Variants in OPA1 observed in about 807,000 individuals in gnomAD.
The protein encoded by OPA1 is dynamin-like GTPase OPA1, mitochondrial.
A neutral mutation model predicts 152.9 loss-of-function variants in OPA1; 59 were observed. That is an observed-to-expected ratio of 0.39 (90% CI 0.31 to 0.48). OPA1 has a LOEUF of 0.48. OPA1 is among the 20% of genes least tolerant of loss of function. The pLI is 0.96. For missense variants in OPA1, 1,008 were observed against 1,216.8 expected (o/e 0.83, Z 2.55); for synonymous variants, 400 against 389.9 (o/e 1.03, Z -0.31).
rs768608084 is a variant in OPA1, at chr3:193,643,968, T to C, written c.1478-7T>C. 2.5e-6 allele frequency: 4 copies of C among 1,613,450 alleles called. No homozygotes were observed. The Admixed American group carries it at 6.7e-5, about 27-fold the overall frequency. On this transcript the variant is annotated splice_region_variant and splice_polypyrimidine_tract_variant and intron_variant, in intron 15 of 30. Coordinates refer to ENST00000361510, the MANE Select transcript of OPA1 (RefSeq NM_130837.3). ...ATTCCACAGTGTCATTTTTTTATTT[T>C]TTTCAGATGGATCTGTGGATGCTGA...
Position 193,631,815 on chromosome 3 carries a change from T to C in OPA1, c.843+150T>C, listed in dbSNP as rs903603228. ...TATTATCGATAGATGCAAAAGCTAA[T>C]TGAGAAATAAGGAATAAAGACAGAA... On this transcript the variant is annotated intron_variant, in intron 8 of 30. Transcript: ENST00000361510. The C allele has an allele frequency of 4.3e-6, 3 of 689,684 alleles. No homozygotes were observed. In the African/African-American group the frequency reaches 5.4e-5, roughly 12 times the overall value. The allele number at this position is 689,684 out of a possible 1,614,324, so 42.7% of individuals were successfully genotyped here.
At chr3:193,608,899 C>T (rs1192866886) in intron 1 of OPA1, among the ~76,000 whole-genome samples, 1 of 152,066 alleles carries the variant, frequency 6.6e-6, no homozygotes, top group East Asian at 1.9e-4. Context: ...GTATTGGTTG[C>T]ATATATATTT....
At chr3:193,668,559 C>T (rs1042538226) in intron 29 of OPA1, 1 of 1,546,852 alleles carries the variant, frequency 6.5e-7, no homozygotes, top group East Asian at 2.5e-5. Flanking sequence ...CACCTGAAGC[C>T]AGACCATGCC....
chr3:193,647,610 C>A (rs1274491510), intron 19 of OPA1, among the ~76,000 whole-genome samples: 1 of 152,196 alleles, frequency 6.6e-6, no homozygotes, highest in Admixed American at 6.5e-5. Flanking sequence ...TCTCTTTTCC[C>A]ATATGTAAAT....
In OPA1 at chr3:193,683,350, T is replaced by C. The variant is rs899411258; in HGVS notation, c.2984-8713T>C. On this transcript the variant is annotated intron_variant, in intron 29 of 30. Transcript: ENST00000361510. ...GAATCTGTTCCTGGTGAAGATGCTG[T>C]GAACATTGTTGAAATGGCAGTAAAG... Among the ~76,000 whole-genome samples, 4 of 151,800 alleles carry C rather than the reference T, an allele frequency of 2.6e-5. No individual in the cohort carries two copies. In the East Asian group the frequency reaches 7.7e-4, roughly 29 times the overall value.
chr3:193,675,997 A>G (rs546957864), intron 29 of OPA1, among the ~76,000 whole-genome samples: 1 of 152,284 alleles, frequency 6.6e-6, no homozygotes, highest in East Asian at 1.9e-4. Context: ...CCTGTGTGGC[A>G]TTCACTCCTG....
intron 29 of OPA1, among the ~76,000 whole-genome samples, chr3:193,679,295 TAAAGAA>T (rs1273084985): frequency 7.6e-6 from 1 of 131,390 alleles, no homozygotes; most frequent in African/African-American, 2.8e-5. Flanking sequence ...TCAAAACTCA[TAAAGAA>T]AGAGAAAGAG....
At chr3:193,645,335 G>A (rs1478042968) in intron 16 of OPA1, among the ~76,000 whole-genome samples, 3 of 152,048 alleles carry the variant, frequency 2.0e-5, no homozygotes, top group South Asian at 2.1e-4. Context: ...ACATCATTCC[G>A]GGTTTTCGAT....
At chr3:193,601,717 G>A (rs1726495479) in intron 1 of OPA1, among the ~76,000 whole-genome samples, 1 of 152,176 alleles carries the variant, frequency 6.6e-6, no homozygotes, top group African/African-American at 2.4e-5. Context: ...TATACGTTTT[G>A]TAGGCATCAT....
At chr3:193,676,875 G>T (rs1200954828) in intron 29 of OPA1, among the ~76,000 whole-genome samples, 1 of 151,854 alleles carries the variant, frequency 6.6e-6, no homozygotes, top group African/African-American at 2.4e-5. Context: ...CAGCTGCTGG[G>T]GAGGCTGAGG....
chr3:193,667,556 AGCTACTT>A (rs1405685702), intron 29 of OPA1: 13 of 385,482 alleles, frequency 3.4e-5, no homozygotes, highest in Non-Finnish European at 6.0e-5. Flanking sequence ...CTATAGTCCC[AGCTACTT>A]GGGAGGCTGA....
At chr3:193,665,383 GAA>G (rs995242931) in intron 27 of OPA1, among the ~76,000 whole-genome samples, 37 of 152,128 alleles carry the variant, frequency 2.4e-4, no homozygotes, top group African/African-American at 8.7e-4. Flanking sequence ...GAGGGAAAGA[GAA>G]AGTGTGTGTG....
chr3:193,689,103 G>T (rs1177492723), intron 29 of OPA1: 3 of 152,180 alleles, frequency 2.0e-5, no homozygotes, highest in African/African-American at 7.2e-5. Context: ...AGAACCAAAT[G>T]AAACGCCAAA....
At chr3:193,671,338 A>G (rs77488824) in intron 29 of OPA1, among the ~76,000 whole-genome samples, 3,855 of 152,328 alleles carry the variant, frequency 0.025, 52 homozygotes, top group Non-Finnish European at 0.03. Context: ...ATTCAGTCAT[A>G]ACAATACATG....
intron 11 of OPA1, among the ~76,000 whole-genome samples, chr3:193,639,691 T>C (rs918022710): frequency 6.6e-6 from 1 of 152,236 alleles, no homozygotes; most frequent in African/African-American, 2.4e-5. Flanking sequence ...GGAAAGCCAG[T>C]GCAGGATTTC....
intron 29 of OPA1, chr3:193,668,495 A>G (rs112633591): frequency 5.2e-6 from 8 of 1,550,272 alleles, no homozygotes; most frequent in Non-Finnish European, 7.0e-6. Flanking sequence ...GTGCCTCTCC[A>G]TCTCATCCTT....
At chr3:193,634,444 C>T (rs2108996766) in intron 8 of OPA1, among the ~76,000 whole-genome samples, 1 of 151,972 alleles carries the variant, frequency 6.6e-6, no homozygotes, top group Admixed American at 6.5e-5. Context: ...GTCTTCCCAG[C>T]TTTTTTTGTC....
At chr3:193,690,815 C>G (rs1721578027) in intron 29 of OPA1, among the ~76,000 whole-genome samples, 1 of 152,204 alleles carries the variant, frequency 6.6e-6, no homozygotes, top group Non-Finnish European at 1.5e-5. Flanking sequence ...GCCTCTAGGT[C>G]ACTCACTTTG....
intron 7 of OPA1, among the ~76,000 whole-genome samples, chr3:193,626,926 A>G (rs1731241271): frequency 6.6e-6 from 1 of 152,160 alleles, no homozygotes; most frequent in Admixed American, 6.5e-5. Flanking sequence ...TGGTTAGGTA[A>G]TCCCACAACG....
Sources: allele counts gnomAD v4.1 joint callset (sites outside exome capture counted in the v4.1 genomes callset), GRCh38; gene constraint gnomAD v4.1.1; transcripts MANE v1.5; gene names NCBI Gene and HGNC (gene_info 2026-07-23, HGNC 2026-07-21).